Variants in FLNB observed in about 807,000 individuals in gnomAD.
FLNB encodes the protein filamin-B.
Under a neutral mutation model 250.6 loss-of-function variants are expected in FLNB, and 111 were observed. The ratio of observed to expected loss-of-function variants is 0.44; its 90% CI spans 0.38 to 0.52. The LOEUF (loss-of-function observed/expected upper bound fraction) is 0.52, where lower values mean the gene tolerates loss of function less well. Ranked by LOEUF, FLNB falls within the 20% of genes least tolerant of loss-of-function variation. The probability of loss-of-function intolerance (pLI) is 0.00; values close to 1 mark genes in which losing one functional copy is unlikely to be tolerated. For synonymous variants in FLNB, 1,302 were observed against 1,372.1 expected (o/e 0.95, Z 1.13); for missense variants, 2,869 against 3,447.8 (o/e 0.83, Z 4.20).
chr3:58,159,064 A>G (rs17058921), intron 41 of FLNB, among the ~76,000 whole-genome samples: 3,700 of 152,006 alleles, frequency 0.024, 145 homozygotes, highest in African/African-American at 0.085. Flanking sequence ...CTTAACTGCT[A>G]TGGAGTACTG....
At position 58,146,997 on chromosome 3, in the gene FLNB, G is replaced by A; in HGVS notation, c.5728+4G>A. The A allele has an allele frequency of 1.2e-6, 2 of 1,613,698 alleles. No individual in the cohort carries two copies. The highest frequency in any genetic ancestry group is 1.7e-6 in the Non-Finnish European group (2 of 1,180,008). On this transcript the variant is annotated splice_donor_region_variant and intron_variant, in intron 34 of 45. Coordinates refer to ENST00000295956, the MANE Select transcript of FLNB (RefSeq NM_001457.4). ...CCCTTCACAGCCAAGATCACAGGTA[G>A]GGTTGTCTGGCTTCTGGGGTCTTCC...
chr3:58,168,841 A>T lies in FLNB; in HGVS notation c.7417+183A>T, dbSNP rs1354474751. 8.3e-5 allele frequency: 54 copies of T among 653,552 alleles called. 2 individuals are homozygous for T. The South Asian group carries it at 8.8e-4, about 11-fold the overall frequency. 40.5% of individuals were successfully genotyped at this position (653,552 alleles called of 1,614,324 possible). ...AAACTTACAAAAGTCCACAGAGTGG[A>T]GCCGTGCAGAAGTTGAGAAAGCATG... On this transcript the variant is annotated intron_variant, in intron 44 of 45. Transcript: ENST00000295956.
At chr3:58,112,633 A>G (rs967188338) in intron 18 of FLNB, among the ~76,000 whole-genome samples, 3 of 152,182 alleles carry the variant, frequency 2.0e-5, no homozygotes, top group Admixed American at 6.5e-5. Context: ...TTTCTGTTAC[A>G]CATGTGCACA....
At chr3:58,132,330 G>T in intron 25 of FLNB, 1 of 431,818 alleles carries the variant, frequency 2.3e-6, no homozygotes, top group Admixed American at 3.7e-5. Context: ...CAGCATGCTG[G>T]TACCACAGTG....
intron 43 of FLNB, 76 bp from the exon 44 acceptor site, chr3:58,168,364 C>T: frequency 9.2e-7 from 1 of 1,085,926 alleles, no homozygotes; most frequent in Non-Finnish European, 1.4e-6. Context: ...CTATGTGTGT[C>T]CCTCACCACG....
intron 34 of FLNB, 95 bp downstream of exon 34, chr3:58,147,088 G>C: frequency 7.9e-7 from 1 of 1,261,414 alleles, no homozygotes; most frequent in Non-Finnish European, 1.1e-6. Flanking sequence ...CAGGCTAGAC[G>C]TCTCTTTGAG....
intron 41 of FLNB, among the ~76,000 whole-genome samples, chr3:58,156,836 C>G (rs887838058): frequency 1.3e-5 from 2 of 152,158 alleles, no homozygotes; most frequent in African/African-American, 4.8e-5. Context: ...AGCTGAGACT[C>G]CAGGCACGCG....
chr3:58,114,387 C>T (rs983184210), intron 18 of FLNB, among the ~76,000 whole-genome samples: 11 of 152,216 alleles, frequency 7.2e-5, no homozygotes, highest in African/African-American at 2.4e-4. Flanking sequence ...CTGCCCACCT[C>T]AGCCTCCGAA....
At chr3:58,059,809 C>G (rs139092261) in intron 1 of FLNB, among the ~76,000 whole-genome samples, 2 of 152,114 alleles carry the variant, frequency 1.3e-5, no homozygotes, top group Non-Finnish European at 1.5e-5. Flanking sequence ...TCAGCATTTT[C>G]CCCCTACTTG....
chr3:58,044,793 G>A (rs1225542042), intron 1 of FLNB, among the ~76,000 whole-genome samples: 1 of 152,192 alleles, frequency 6.6e-6, no homozygotes, highest in Admixed American at 6.5e-5. Context: ...CTCTGCTCCA[G>A]TGTGGGCCCT....
intron 1 of FLNB, among the ~76,000 whole-genome samples, chr3:58,018,327 CTTTTTT>C (rs60851192): frequency 1.6e-5 from 1 of 63,240 alleles, no homozygotes; most frequent in Non-Finnish European, 2.8e-5. Context: ...TATTCATTGA[CTTTTTT>C]TTTTTTTTTT....
intron 1 of FLNB, among the ~76,000 whole-genome samples, chr3:58,055,267 C>CAAA (rs11375409): frequency 4.2e-5 from 6 of 144,176 alleles, no homozygotes; most frequent in African/African-American, 1.5e-4. Flanking sequence ...TTCTGTCTCT[C>CAAA]AAAAAAAAAA....
chr3:58,136,053 C>G lies in FLNB; in HGVS notation c.4746C>G (p.Pro1582=). The G allele has an allele frequency of 1.2e-6, 2 of 1,614,196 alleles. No individual in the cohort carries two copies. Among genetic ancestry groups the G allele is most frequent in the African/African-American group, 1.3e-5 (1 of 75,050 alleles). The change falls in exon 28 of 46, where the codon CCC becomes CCG. Residue 1582 remains proline (P), a synonymous_variant. Transcript: ENST00000295956. ...GCACGTATGCTGTCACCTACATCCC[C>G]GACAAGACTGGGCGCTATATGATTG... ...KDGTYAVTYI[P]DKTGRYMIGV... is the part of the protein sequence containing the mutation.
In FLNB at chr3:58,149,577, C is replaced by T. The variant is rs147865314; in HGVS notation, c.6092-273C>T. On this transcript the variant is annotated intron_variant, in intron 36 of 45. Coordinates refer to ENST00000295956, the MANE Select transcript of FLNB (RefSeq NM_001457.4). ...AGAAGGTCCTCCCCAGCAGTTTGTA[C>T]GGGACACATCATCTATGGGATATTA... 2.5e-4 allele frequency: 129 copies of T among 508,446 alleles called. 1 individual carries two copies. The highest frequency in any genetic ancestry group is 5.5e-4 in the Middle Eastern group (1 of 1,824). The allele number at this position is 508,446 out of a possible 1,614,324, so 31.5% of individuals were successfully genotyped here.
chr3:58,141,846 G>A lies in FLNB; in HGVS notation c.5110-12G>A. ...TATGGTTCCCAACTAATCTCCATTT[G>A]CCACTGACCAGGCCACAGATGGGGA... On this transcript the variant is annotated splice_polypyrimidine_tract_variant and intron_variant, in intron 29 of 45. Coordinates refer to ENST00000295956, the MANE Select transcript of FLNB (RefSeq NM_001457.4). The A allele has an allele frequency of 6.2e-7, 1 of 1,613,518 alleles. No individual in the cohort carries two copies. Among genetic ancestry groups the A allele is most frequent in the Non-Finnish European group, 8.5e-7 (1 of 1,179,426 alleles).
At chr3:58,099,541 T>C (rs1233066549) in intron 8 of FLNB, among the ~76,000 whole-genome samples, 1 of 152,124 alleles carries the variant, frequency 6.6e-6, no homozygotes, top group Non-Finnish European at 1.5e-5. Context: ...CCCCTTTTTT[T>C]CTGTTTTGTT....
At chr3:58,135,890 G>A in intron 27 of FLNB, 89 bp from the exon 28 acceptor site, 3 of 1,291,130 alleles carry the variant, frequency 2.3e-6, no homozygotes, top group South Asian at 1.3e-5. Flanking sequence ...TTCCACTAGA[G>A]GCACTAATTG....
chr3:58,031,960 G>A (rs1442656939), intron 1 of FLNB, among the ~76,000 whole-genome samples: 1 of 151,574 alleles, frequency 6.6e-6, no homozygotes, highest in Non-Finnish European at 1.5e-5. Context: ...ACAGGGTCTT[G>A]CTCTTTCTCC....
At chr3:58,100,589 C>CTTTTTTT (rs147921421) in intron 8 of FLNB, among the ~76,000 whole-genome samples, 319 of 124,870 alleles carry the variant, frequency 2.6e-3, no homozygotes, top group East Asian at 9.4e-3. Context: ...TTTTCTTTTT[C>CTTTTTTT]TTTTTTTTTT....
Sources: gnomAD v4.1 joint callset for allele counts (sites outside exome capture counted in the v4.1 genomes callset) on GRCh38, gnomAD v4.1.1 for gene constraint, MANE v1.5 for transcripts, NCBI Gene and HGNC (gene_info 2026-07-23, HGNC 2026-07-21) for gene names.